Variants in GLCCI1 observed in about 807,000 individuals in gnomAD.
GLCCI1 encodes glucocorticoid-induced transcript 1 protein.
In GLCCI1, 24 loss-of-function variants were observed where a neutral mutation model predicts 52.2. That is an observed-to-expected ratio of 0.46 (90% confidence interval 0.33 to 0.65). GLCCI1 has a LOEUF of 0.65. GLCCI1 is among the 30% of genes least tolerant of loss of function. The probability of loss-of-function intolerance (pLI) is 0.02; values close to 1 mark genes in which losing one functional copy is unlikely to be tolerated. For missense variants in GLCCI1, 704 were observed against 701.5 expected (o/e 1.00, Z -0.04); for synonymous variants, 310 against 276.5 (o/e 1.12, Z -1.20).
chr7:8,027,324 C>A (rs1781644046), intron 3 of GLCCI1, among the ~76,000 whole-genome samples: 1 of 152,134 alleles, frequency 6.6e-6, no homozygotes. Context: ...TCTGTCTCTA[C>A]TAAAAATACA....
intron 5 of GLCCI1, among the ~76,000 whole-genome samples, chr7:8,061,910 G>T (rs979314592): frequency 2.6e-5 from 4 of 151,712 alleles, no homozygotes; most frequent in African/African-American, 4.8e-5. Context: ...CAAGTGATCC[G>T]CCCACCTCGG....
chr7:8,042,917 A>C (rs1782034809), intron 3 of GLCCI1, among the ~76,000 whole-genome samples: 1 of 152,234 alleles, frequency 6.6e-6, no homozygotes, highest in South Asian at 2.1e-4. Context: ...ATCACATGCT[A>C]CAAAGAAATC....
intron 1 of GLCCI1, among the ~76,000 whole-genome samples, chr7:7,986,379 GGA>G (rs1456088886): frequency 1.2e-5 from 1 of 80,990 alleles, no homozygotes; most frequent in Non-Finnish European, 2.7e-5. Context: ...GGGAGCAGGG[GGA>G]GGGGGGGGTG....
rs77095275 is a variant in GLCCI1, at chr7:8,058,160, T to A, written c.814-1936T>A. On this transcript the variant is annotated intron_variant, in intron 4 of 7. Coordinates refer to ENST00000223145, the MANE Select transcript of GLCCI1 (RefSeq NM_138426.4). ...TACCCAAATTCAGTTTCCTCTTATA[T>A]TAGTAATGTTTCAAAATATGATGAA... Among the ~76,000 whole-genome samples the A allele has an allele frequency of 5.3e-3, 801 of 152,254 alleles. 16 individuals are homozygous for A. The East Asian group carries it at 0.075, about 14-fold the overall frequency.
intron 1 of GLCCI1, among the ~76,000 whole-genome samples, chr7:7,984,930 C>A (rs948302864): frequency 2.0e-5 from 3 of 152,092 alleles, no homozygotes; most frequent in Admixed American, 1.3e-4. Context: ...GATAAATATC[C>A]CAAGACTTTT....
chr7:7,995,458 C>A (rs936593500), intron 1 of GLCCI1, among the ~76,000 whole-genome samples: 4 of 152,116 alleles, frequency 2.6e-5, no homozygotes, highest in African/African-American at 9.6e-5. Flanking sequence ...TGCAGTGAGC[C>A]GAGATCGTGC....
At chr7:8,073,119 C>T (rs1448898103) in intron 6 of GLCCI1, among the ~76,000 whole-genome samples, 1 of 152,066 alleles carries the variant, frequency 6.6e-6, no homozygotes, top group Non-Finnish European at 1.5e-5. Context: ...GACATTGTAA[C>T]ATAGAAGTTA....
In GLCCI1 at chr7:8,071,002, A is replaced by G; in HGVS notation, c.1048A>G (p.Thr350Ala). The G allele has an allele frequency of 6.2e-7, 1 of 1,613,822 alleles. No individual in the cohort carries two copies. The highest frequency in any genetic ancestry group is 8.5e-7 in the Non-Finnish European group (1 of 1,179,970). The change falls in exon 6 of 8, where the codon ACT (threonine) becomes GCT (alanine). Residue 350 changes from threonine to alanine, a missense_variant. Physicochemically the swap from Thr to Ala is moderately conservative, Grantham distance 58 (BLOSUM62 0). Transcript: ENST00000223145. ...SSSTRSIDTQ[T>A]PSVQERSSSC... Reference sequence around the variant, plus strand: ...TAGTACTCGCAGCATTGACACTCAGACTCCTTCTGTCCAGGAGCGCAGCAG... The same window carrying G: ...TAGTACTCGCAGCATTGACACTCAGGCTCCTTCTGTCCAGGAGCGCAGCAG...
intron 5 of GLCCI1, among the ~76,000 whole-genome samples, chr7:8,063,609 T>C (rs887305213): frequency 2.0e-5 from 3 of 150,882 alleles, no homozygotes; most frequent in Non-Finnish European, 4.4e-5. Flanking sequence ...CCTACCACTT[T>C]TCTTCCTTTT....
intron 1 of GLCCI1, chr7:7,970,399 A>T (rs372282999): frequency 8.7e-5 from 2 of 23,090 alleles, no homozygotes; most frequent in African/African-American, 3.3e-4. Flanking sequence ...GCCCCCCGCC[A>T]CCCCGCCTCT....
chr7:7,972,319 G>T (rs959769982), intron 1 of GLCCI1, among the ~76,000 whole-genome samples: 1 of 150,582 alleles, frequency 6.6e-6, no homozygotes, highest in Non-Finnish European at 1.5e-5. Context: ...GCACACTTCA[G>T]TGTATGTGTG....
At chr7:8,024,980 T>C (rs1583981183) in intron 3 of GLCCI1, among the ~76,000 whole-genome samples, 2 of 152,340 alleles carry the variant, frequency 1.3e-5, no homozygotes, top group East Asian at 1.9e-4. Flanking sequence ...ATAGTGATCT[T>C]TGTGGCAAGT....
chr7:7,994,933 A>T (rs1780910666), intron 1 of GLCCI1, among the ~76,000 whole-genome samples: 1 of 152,162 alleles, frequency 6.6e-6, no homozygotes, highest in Non-Finnish European at 1.5e-5. Flanking sequence ...TTCACTTAAT[A>T]CACTAACAGT....
chr7:8,088,262 G>GTGTC lies in GLCCI1; in HGVS notation c.*1727_*1728insCTGT, dbSNP rs1326984110. 6.6e-6 allele frequency: 1 copy of GTGTC among 151,836 alleles called. No homozygotes were observed. The highest frequency in any genetic ancestry group is 1.9e-4 in the East Asian group (1 of 5,182). The allele number at this position is 151,836 out of a possible 1,614,324, so 9.4% of individuals were successfully genotyped here. A position where few individuals can be genotyped will look rare whatever the true frequency, so the allele number is the denominator to read the frequency against. ...TGTTTGTGTGTGTGTGTGTGTGTGT[G>GTGTC]TGTGTGTGTATTCTGTGCATTATTT... On this transcript the variant is annotated 3_prime_UTR_variant, in exon 8 of 8. Transcript: ENST00000223145.
intron 5 of GLCCI1, among the ~76,000 whole-genome samples, chr7:8,064,155 T>C (rs921304204): frequency 1.3e-5 from 2 of 152,220 alleles, no homozygotes. Context: ...GCTTTTGGCA[T>C]CTTTATTATG....
intron 2 of GLCCI1, among the ~76,000 whole-genome samples, chr7:8,012,205 G>C (rs541395304): frequency 6.6e-6 from 1 of 151,702 alleles, no homozygotes; most frequent in African/African-American, 2.4e-5. Context: ...TTTGATTTTC[G>C]ATTTGTATTT....
In GLCCI1 at chr7:8,055,503, G is replaced by C. The variant is rs985423353; in HGVS notation, c.767G>C (p.Arg256Pro). Residue 256 changes from arginine to proline, a missense_variant, in exon 4 of 8, where the codon CGC (arginine) becomes CCC (proline). Around this residue, in one of 3 missense-constraint regions of GLCCI1, gnomAD observed 547 missense variants for 524.8 expected, o/e 1.04. Transcript: ENST00000223145. ...QSSRHSKEKD[R>P]QSPLHGNHIT... ...AGTCGTCACAGTAAGGAGAAAGATC[G>C]CCAGTCACCTCTTCATGGCAACCAT... 8.7e-6 allele frequency: 14 copies of C among 1,613,604 alleles called. No homozygotes were observed. Among genetic ancestry groups the C allele is most frequent in the Middle Eastern group, 1.6e-4 (1 of 6,062 alleles).
intron 2 of GLCCI1, among the ~76,000 whole-genome samples, chr7:8,006,370 TAA>T (rs1286663890): frequency 6.6e-6 from 1 of 152,110 alleles, no homozygotes; most frequent in African/African-American, 2.4e-5. Flanking sequence ...ATTTGAGAGT[TAA>T]GAGAGTGATG....
At chr7:8,004,743 C>T (rs573339229) in intron 2 of GLCCI1, among the ~76,000 whole-genome samples, 1 of 152,098 alleles carries the variant, frequency 6.6e-6, no homozygotes, top group Non-Finnish European at 1.5e-5. Flanking sequence ...AGATGAGATA[C>T]ACATTTATAA....
Sources: gnomAD v4.1 joint callset for allele counts (sites outside exome capture counted in the v4.1 genomes callset) on GRCh38, gnomAD v4.1.1 for gene constraint, gnomAD v4.1.1 regional missense constraint, MANE v1.5 for transcripts, NCBI Gene and HGNC (gene_info 2026-07-23, HGNC 2026-07-21) for gene names.